Variants in FAM117A observed in about 807,000 individuals in gnomAD.
The protein encoded by FAM117A is protein FAM117A.
In FAM117A, 21 loss-of-function variants were observed where a neutral mutation model predicts 44.1. The observed-to-expected ratio is 0.48, with a 90% CI of 0.34 to 0.69. The LOEUF (loss-of-function observed/expected upper bound fraction) is 0.69. Among genes scored for constraint, FAM117A ranks in the 30% least tolerant of loss-of-function variants. The probability of loss-of-function intolerance (pLI) is 0.01; values close to 1 mark genes in which losing one functional copy is unlikely to be tolerated. For synonymous variants in FAM117A, 220 were observed against 238.3 expected, an observed-to-expected ratio of 0.92 and a Z score of 0.71; for missense variants, 498 against 589.9, an observed-to-expected ratio of 0.84 and a Z score of 1.61.
intron 1 of FAM117A, among the ~76,000 whole-genome samples, chr17:49,734,416 C>T (rs963049911): frequency 1.3e-5 from 2 of 151,274 alleles, no homozygotes; most frequent in Non-Finnish European, 2.9e-5. Flanking sequence ...CACAGTGAAA[C>T]CCCGTCTCTA....
intron 7 of FAM117A, among the ~76,000 whole-genome samples, chr17:49,715,089 C>G (rs974148688): frequency 6.6e-6 from 1 of 152,178 alleles, no homozygotes; most frequent in African/African-American, 2.4e-5. Context: ...TGTAATTACT[C>G]CACCATAATG....
chr17:49,773,071 T>C (rs2073765836), intron 1 of FAM117A, among the ~76,000 whole-genome samples: 1 of 151,844 alleles, frequency 6.6e-6, no homozygotes, highest in Non-Finnish European at 1.5e-5. Context: ...TTTGGGAGGC[T>C]GAGGCGAGTG....
At chr17:49,783,404 G>A (rs2073795632) in intron 1 of FAM117A, among the ~76,000 whole-genome samples, 1 of 152,062 alleles carries the variant, frequency 6.6e-6, no homozygotes, top group African/African-American at 2.4e-5. Flanking sequence ...CAAGATCAGA[G>A]TGATTTTTTT....
rs1290765491 is a variant in FAM117A at position 49,733,895 on chromosome 17, C to A, written c.197-1175G>T. ...TGGTGGCTCAAGCCTGTAACCCCAG[C>A]ACTTTGGGAGGTCGAGGCAGGTGGA... On this transcript the variant is annotated intron_variant, in intron 1 of 7. Coordinates refer to ENST00000240364, the MANE Select transcript of FAM117A (RefSeq NM_030802.4). Among the ~76,000 whole-genome samples, 4 of 152,074 alleles carry A rather than the reference C, an allele frequency of 2.6e-5. No individual in the cohort carries two copies. The East Asian group carries it at 7.7e-4, about 29-fold the overall frequency.
chr17:49,782,910 G>C (rs1434280282), intron 1 of FAM117A, among the ~76,000 whole-genome samples: 1 of 152,110 alleles, frequency 6.6e-6, no homozygotes. Flanking sequence ...TCAGCTTCTG[G>C]CCAATGCCTA....
chr17:49,751,311 T>C (rs2073676370), intron 1 of FAM117A, among the ~76,000 whole-genome samples: 1 of 147,918 alleles, frequency 6.8e-6, no homozygotes, highest in Non-Finnish European at 1.5e-5. Context: ...CCGGGCGCGC[T>C]GGCTCACACC....
At chr17:49,761,139 C>T (rs1418124958) in intron 1 of FAM117A, among the ~76,000 whole-genome samples, 1 of 152,214 alleles carries the variant, frequency 6.6e-6, no homozygotes, top group East Asian at 1.9e-4. Flanking sequence ...CTGAGCGTTA[C>T]ATCACTTTGA....
intron 2 of FAM117A, chr17:49,724,584 A>G (rs2073550741): frequency 1.1e-4 from 49 of 430,416 alleles, no homozygotes; most frequent in South Asian, 8.0e-4. Flanking sequence ...TGTAATCCCA[A>G]CACTTTGGGA....
Position 49,720,327 on chromosome 17 carries a change from C to T in FAM117A, c.572G>A (p.Arg191Lys), listed in dbSNP as rs1197267672. ...AGAGGGCTGGGGGAGAAAACATACC[C>T]TCAGTGCTCCCCGCACTGCGTGGTC... Reference protein sequence around the residue: ...LGDHAVRGALRASPPSFPSGS... With the variant: ...LGDHAVRGALKASPPSFPSGS... Residue 191 changes from arginine (R) to lysine (K), a missense_variant and splice_region_variant, in exon 4 of 8, where the codon AGG (arginine) becomes AAG (lysine). Transcript: ENST00000240364. 6.2e-6 allele frequency: 10 copies of T among 1,611,978 alleles called. No homozygotes were observed. In the South Asian group the frequency reaches 8.8e-5, roughly 14 times the overall value.
chr17:49,732,525 A>T lies in FAM117A; in HGVS notation c.366+26T>A, dbSNP rs770684333. 1.9e-6 allele frequency: 3 copies of T among 1,613,006 alleles called. No individual in the cohort carries two copies. The Admixed American group carries it at 5.0e-5, about 27-fold the overall frequency. Reference sequence around the variant, plus strand: ...CTCTCCCGCCCCATCCTTATCCCTTATCCCATCAGGAGAGAGCTTCATTAC... The same window carrying T: ...CTCTCCCGCCCCATCCTTATCCCTTTTCCCATCAGGAGAGAGCTTCATTAC... On this transcript the variant is annotated intron_variant, in intron 2 of 7. Coordinates refer to ENST00000240364, the MANE Select transcript of FAM117A (RefSeq NM_030802.4).
At chr17:49,755,256 G>A (rs1439628044) in intron 1 of FAM117A, among the ~76,000 whole-genome samples, 3 of 152,130 alleles carry the variant, frequency 2.0e-5, no homozygotes, top group East Asian at 1.9e-4. Context: ...TGGCTTGGGA[G>A]AGGGGCGCTT....
chr17:49,752,575 C>T (rs1409721495), intron 1 of FAM117A, among the ~76,000 whole-genome samples: 1 of 152,184 alleles, frequency 6.6e-6, no homozygotes, highest in African/African-American at 2.4e-5. Flanking sequence ...GTCTCCCTAA[C>T]ATGGCCTTGC....
intron 1 of FAM117A, among the ~76,000 whole-genome samples, chr17:49,775,422 C>T (rs867538617): frequency 3.9e-5 from 6 of 152,208 alleles, no homozygotes; most frequent in East Asian, 1.9e-4. Flanking sequence ...TTCCACAAGA[C>T]GGCCCTGGCT....
chr17:49,788,406 C>G (rs1490151450), intron 1 of FAM117A: 1 of 133,712 alleles, frequency 7.5e-6, no homozygotes, highest in African/African-American at 4.1e-5. Flanking sequence ...GAAATTTTGC[C>G]CAAGGTAAAG....
intron 1 of FAM117A, among the ~76,000 whole-genome samples, chr17:49,760,048 A>G (rs1432238520): frequency 6.6e-6 from 1 of 152,172 alleles, no homozygotes; most frequent in Non-Finnish European, 1.5e-5. Context: ...AGAGGGGGCA[A>G]ATTTGCCTAA....
intron 3 of FAM117A, among the ~76,000 whole-genome samples, chr17:49,722,182 T>C (rs549802089): frequency 7.1e-4 from 108 of 152,314 alleles, no homozygotes; most frequent in African/African-American, 2.5e-3. Flanking sequence ...ACTCCCTCCC[T>C]GTCTTCCTCC....
intron 1 of FAM117A, among the ~76,000 whole-genome samples, chr17:49,780,473 T>G (rs1342069279): frequency 6.6e-6 from 1 of 152,098 alleles, no homozygotes; most frequent in African/African-American, 2.4e-5. Context: ...CGCCGCCTCC[T>G]GGGCTCAAGC....
chr17:49,732,418 A>G, intron 2 of FAM117A, 133 bp downstream of exon 2: 1 of 824,718 alleles, frequency 1.2e-6, no homozygotes, highest in Non-Finnish European at 1.9e-6. Context: ...AAGATAAAAC[A>G]TTACATGGAT....
intron 1 of FAM117A, among the ~76,000 whole-genome samples, chr17:49,737,172 G>A (rs564245938): frequency 1.3e-5 from 2 of 152,296 alleles, no homozygotes; most frequent in East Asian, 3.9e-4. Flanking sequence ...TTGTTGCCTA[G>A]TAAGTTGGTG....
Sources: gnomAD v4.1 joint callset for allele counts (sites outside exome capture counted in the v4.1 genomes callset) on GRCh38, gnomAD v4.1.1 for gene constraint, MANE v1.5 for transcripts, NCBI Gene and HGNC (gene_info 2026-07-23, HGNC 2026-07-21) for gene names.